The following ATG4B variants were observed in gnomAD, a reference collection of about 807,000 sequenced individuals.
ATG4B encodes cysteine protease ATG4B.
Under a neutral mutation model 56.6 loss-of-function variants are expected in ATG4B, and 29 were observed. The ratio of observed to expected loss-of-function variants is 0.51; its 90% CI spans 0.38 to 0.70. The LOEUF (loss-of-function observed/expected upper bound fraction) is 0.70, where lower values mean the gene tolerates loss of function less well. ATG4B is among the 30% of genes least tolerant of loss of function. The pLI, the probability that ATG4B is intolerant of heterozygous loss-of-function variation, is 0.00. For synonymous variants in ATG4B, 224 were observed against 206.1 expected, an observed-to-expected ratio of 1.09 and a Z score of -0.74; for missense variants, 461 against 515.5, an observed-to-expected ratio of 0.89 and a Z score of 1.02.
chr2:241,642,335 T>C (rs1182233996), intron 1 of ATG4B, among the ~76,000 whole-genome samples: 4 of 152,128 alleles, frequency 2.6e-5, no homozygotes, highest in Non-Finnish European at 4.4e-5. Context: ...CTTTCTCTCT[T>C]TCTCTGTTTT....
chr2:241,647,248 G>T (rs2068089394), intron 1 of ATG4B, among the ~76,000 whole-genome samples: 1 of 151,780 alleles, frequency 6.6e-6, no homozygotes, highest in Non-Finnish European at 1.5e-5. Flanking sequence ...GTTCAAAGCT[G>T]GTGCCTTGGA....
At chr2:241,643,335 G>A (rs189922165) in intron 1 of ATG4B, among the ~76,000 whole-genome samples, 1 of 148,418 alleles carries the variant, frequency 6.7e-6, no homozygotes, top group East Asian at 2.0e-4. Context: ...TTCCTCAGTA[G>A]CTAAGACTAC....
intron 1 of ATG4B, among the ~76,000 whole-genome samples, chr2:241,646,911 T>A (rs1374328772): frequency 4.0e-5 from 6 of 151,590 alleles, no homozygotes; most frequent in Non-Finnish European, 8.8e-5. Context: ...GCCTCCCGAG[T>A]AGCTGGGATT....
rs2068790497 is a variant in ATG4B at position 241,666,789 on chromosome 2, T to G, written c.683T>G (p.Leu228Arg). 1 of 1,585,864 alleles carries G rather than the reference T, an allele frequency of 6.3e-7. No individual in the cohort carries two copies. The highest frequency in any genetic ancestry group is 8.6e-7 in the Non-Finnish European group (1 of 1,166,092). ...PWRPLVLLIP[L>R]RLGLTDINEA... ...AGACCCCTGGTACTTCTCATTCCCC[T>G]GCGCCTGGGGCTCACGGACATCAAC... Residue 228 changes from leucine to arginine, a missense_variant, in exon 8 of 13, where the codon CTG becomes CGG. Leu to Arg is a moderately radical substitution (Grantham distance 102). Coordinates refer to ENST00000404914, the MANE Select transcript of ATG4B (RefSeq NM_013325.5).
chr2:241,666,494 G>A (rs764514216), intron 7 of ATG4B, 151 bp from the exon 8 acceptor site: 7 of 810,776 alleles, frequency 8.6e-6, no homozygotes, highest in East Asian at 2.7e-5. Context: ...ATTTTCTTAC[G>A]CTTTTCTATA....
chr2:241,639,198 C>T (rs1287491919), intron 1 of ATG4B, among the ~76,000 whole-genome samples: 2 of 152,252 alleles, frequency 1.3e-5, no homozygotes. Flanking sequence ...GCAGAGCTTA[C>T]AGCTAGACAT....
intron 1 of ATG4B, among the ~76,000 whole-genome samples, chr2:241,646,310 C>G (rs2068057770): frequency 6.6e-6 from 1 of 152,160 alleles, no homozygotes; most frequent in South Asian, 2.1e-4. Flanking sequence ...ATCTATACTT[C>G]TCTCATTCCT....
In ATG4B at chr2:241,668,383, C is replaced by G. The variant is rs1261201323; in HGVS notation, c.812-157C>G. ...GGTCGCGGGCGGCCTCCTGTGTGCCCCTTTCCCTGATGGTCTGGTGCCCTC... is the reference window on the plus strand; with the variant it reads ...GGTCGCGGGCGGCCTCCTGTGTGCCGCTTTCCCTGATGGTCTGGTGCCCTC... On this transcript the variant is annotated intron_variant, in intron 9 of 12. Coordinates refer to ENST00000404914, the MANE Select transcript of ATG4B (RefSeq NM_013325.5). This position sits in a 1 kb window ranked among gnomAD's most constrained non-coding sequence, Gnocchi z 4.2. 3 of 1,361,586 alleles carry G rather than the reference C, an allele frequency of 2.2e-6. No homozygotes were observed. The highest frequency in any genetic ancestry group is 2.0e-6 in the Non-Finnish European group (2 of 982,934). The allele number at this position is 1,361,586 out of a possible 1,614,324, so 84.3% of individuals were successfully genotyped here. A position where few individuals can be genotyped will look rare whatever the true frequency, so the allele number is the denominator to read the frequency against.
Position 241,651,145 on chromosome 2 carries a change from C to CCG in ATG4B, c.112+36_112+37dup. ...CATGCTGGAGCCCACCCTGGTCTGA[C>CCG]CGCTTGGCCTGCAGAAGCATTTTGT... is the stretch of plus-strand genomic sequence containing the variant. On this transcript the variant is annotated intron_variant, in intron 2 of 12. Transcript: ENST00000404914. This position sits in a 1 kb window ranked among gnomAD's most constrained non-coding sequence, Gnocchi z 4.1. The CCG allele has an allele frequency of 6.3e-7, 1 of 1,588,442 alleles. No homozygotes were observed.
chr2:241,645,293 T>C (rs1222143930), intron 1 of ATG4B, among the ~76,000 whole-genome samples: 1 of 152,204 alleles, frequency 6.6e-6, no homozygotes, highest in East Asian at 1.9e-4. Flanking sequence ...CTTTGGTCCT[T>C]GGAGCCAGCC....
intron 1 of ATG4B, among the ~76,000 whole-genome samples, chr2:241,641,321 TG>T (rs1438561257): frequency 2.6e-5 from 4 of 151,982 alleles, no homozygotes; most frequent in Non-Finnish European, 5.9e-5. Flanking sequence ...GAGGCCGAGG[TG>T]GGCGGATCAC....
chr2:241,666,208 G>A (rs2068762198), intron 7 of ATG4B, among the ~76,000 whole-genome samples: 1 of 152,212 alleles, frequency 6.6e-6, no homozygotes, highest in South Asian at 2.1e-4. Flanking sequence ...TCCGGTTGAT[G>A]TGTCCTCCGG....
At position 241,653,290 on chromosome 2, in the gene ATG4B, G is replaced by A. The variant is rs538518062; in HGVS notation, c.185-222G>A. On this transcript the variant is annotated intron_variant, in intron 3 of 12. Transcript: ENST00000404914. ...TGCTCCGTGACTGACTTGTTCATGT[G>A]TTTTGCCCATTTTGAGGAGGTTGTC... 10 of 1,523,196 alleles carry A rather than the reference G, an allele frequency of 6.6e-6. No individual in the cohort carries two copies. In the East Asian group the frequency reaches 2.5e-4, roughly 38 times the overall value. The allele number at this position is 1,523,196 out of a possible 1,614,324, so 94.4% of individuals were successfully genotyped here.
chr2:241,640,496 T>A (rs2067850486), intron 1 of ATG4B, among the ~76,000 whole-genome samples: 1 of 152,234 alleles, frequency 6.6e-6, no homozygotes, highest in Non-Finnish European at 1.5e-5. Context: ...TGTTTGTTAC[T>A]GACTGTCAGA....
chr2:241,640,565 C>T (rs1033346566), intron 1 of ATG4B, among the ~76,000 whole-genome samples: 1 of 152,176 alleles, frequency 6.6e-6, no homozygotes, highest in Admixed American at 6.5e-5. Context: ...TAGATGAAAA[C>T]CATTGCCCTG....
At position 241,673,045 on chromosome 2, in the gene ATG4B, G is replaced by C. The variant is rs1359389756; in HGVS notation, c.*781G>C. The C allele has an allele frequency of 4.2e-5, 7 of 164,910 alleles. No individual in the cohort carries two copies. The East Asian group carries it at 8.2e-4, about 19-fold the overall frequency. The allele number at this position is 164,910 out of a possible 1,614,324, so 10.2% of individuals were successfully genotyped here. On this transcript the variant is annotated 3_prime_UTR_variant, in exon 13 of 13. Coordinates refer to ENST00000404914, the MANE Select transcript of ATG4B (RefSeq NM_013325.5). ...AGCTTCCCCAGGTGTGGTGACGGGG[G>C]GGGGGCGGGGCCTCCACCTGTGACA...
Position 241,668,003 on chromosome 2 carries a change from CTT to C in ATG4B, c.733-138_733-137del. ...TGTGGTCTTTCCTGGACAGTAAGCT[CTT>C]TGGTACCATGTCCCCTCCTGTCCCC... On this transcript the variant is annotated intron_variant, in intron 8 of 12. Coordinates refer to ENST00000404914, the MANE Select transcript of ATG4B (RefSeq NM_013325.5). This position sits in a 1 kb window ranked among gnomAD's most constrained non-coding sequence, Gnocchi z 4.2. 1 of 735,794 alleles carries C rather than the reference CTT, an allele frequency of 1.4e-6. No homozygotes were observed. 45.6% of individuals were successfully genotyped at this position (735,794 alleles called of 1,614,324 possible). A position where few individuals can be genotyped will look rare whatever the true frequency, so the allele number is the denominator to read the frequency against.
intron 6 of ATG4B, among the ~76,000 whole-genome samples, chr2:241,655,650 T>C (rs1174880483): frequency 1.3e-5 from 2 of 152,186 alleles, no homozygotes; most frequent in African/African-American, 4.8e-5. Context: ...TGCAGCCATC[T>C]GTGCGGGTGC....
chr2:241,668,685 G>A lies in ATG4B; in HGVS notation c.957G>A (p.Val319=). 1.3e-6 allele frequency: 2 copies of A among 1,568,016 alleles called. No homozygotes were observed. Among genetic ancestry groups the A allele is most frequent in the South Asian group, 1.2e-5 (1 of 85,316 alleles). Residue 319 remains valine (V), a splice_region_variant and synonymous_variant, in exon 10 of 13, where the codon GTG becomes GTA. Transcript: ENST00000404914. This position sits in a 1 kb window ranked among gnomAD's most constrained non-coding sequence, Gnocchi z 4.2. ...SIAELDPSIA[V]GFFCKTEDDF... Reference sequence around the variant, plus strand: ...CGGAGCTTGACCCGTCCATCGCTGTGGTACGTGGCGGCCACCTGAGCACAC... The same window carrying A: ...CGGAGCTTGACCCGTCCATCGCTGTAGTACGTGGCGGCCACCTGAGCACAC...
Sources: allele counts gnomAD v4.1 joint callset (sites outside exome capture counted in the v4.1 genomes callset), GRCh38; gene constraint gnomAD v4.1.1; non-coding constraint Gnocchi (gnomAD v3.1); transcripts MANE v1.5; gene names NCBI Gene and HGNC (gene_info 2026-07-23, HGNC 2026-07-21).